RAB40C: variants seen among roughly 807,000 people sequenced by gnomAD.
RAB40C encodes ras-related protein Rab-40C.
In RAB40C, 8 loss-of-function variants were observed where a neutral mutation model predicts 28.1. The ratio of observed to expected loss-of-function variants is 0.28; its 90% confidence interval spans 0.17 to 0.51. The LOEUF (loss-of-function observed/expected upper bound fraction) is 0.51, where lower values mean the gene tolerates loss of function less well. RAB40C is among the 20% of genes least tolerant of loss of function. The pLI, the probability that RAB40C is intolerant of heterozygous loss-of-function variation, is 0.97. For missense variants in RAB40C, 288 were observed against 405.9 expected (o/e 0.71, Z 2.50); for synonymous variants, 201 against 171.7 (o/e 1.17, Z -1.34).
intron 1 of RAB40C, among the ~76,000 whole-genome samples, chr16:592,368 G>A (rs2036018925): frequency 6.6e-6 from 1 of 152,232 alleles, no homozygotes; most frequent in Admixed American, 6.5e-5. Flanking sequence ...CATGGCTTCA[G>A]CAGTGGGCAG....
At position 627,920 on chromosome 16, in the gene RAB40C, T is replaced by C. The variant is rs1487432023; in HGVS notation, c.*298T>C. On this transcript the variant is annotated 3_prime_UTR_variant, in exon 6 of 6. Transcript: ENST00000248139. The stretch of plus-strand genomic sequence containing the variant: ...CGGGGAGCCTGGTTGGCCTTTCTTA[T>C]TTATATAGAGAACACTTCACTTTTT... 7.3e-6 allele frequency: 3 copies of C among 409,776 alleles called. No individual in the cohort carries two copies. Among genetic ancestry groups the C allele is most frequent in the Non-Finnish European group, 1.3e-5 (3 of 231,170 alleles). The allele number at this position is 409,776 out of a possible 1,614,324, so 25.4% of individuals were successfully genotyped here. A position where few individuals can be genotyped will look rare whatever the true frequency, so the allele number is the denominator to read the frequency against.
At chr16:592,775 C>T (rs969702155) in intron 1 of RAB40C, among the ~76,000 whole-genome samples, 10 of 152,238 alleles carry the variant, frequency 6.6e-5, no homozygotes, top group Middle Eastern at 3.2e-3. Context: ...TTCTGAGGGC[C>T]GGCTCAGCCA....
Position 626,665 on chromosome 16 carries a change from C to T in RAB40C, c.565+544C>T, listed in dbSNP as rs751758057. ...CTTAAGAGGAAGCACGGGCCTGGCA[C>T]GGTGGCTCACTCCTGTAATCCCAGC... is the stretch of plus-strand genomic sequence containing the variant. On this transcript the variant is annotated intron_variant, in intron 5 of 5. Coordinates refer to ENST00000248139, the MANE Select transcript of RAB40C (RefSeq NM_021168.5). 3.5e-4 allele frequency among the ~76,000 whole-genome samples: 54 copies of T among 152,204 alleles called. 1 individual carries two copies. Among genetic ancestry groups the T allele is most frequent in the Admixed American group, 9.2e-4 (14 of 15,284 alleles).
In RAB40C at chr16:625,966, C is replaced by G. The variant is rs778692638; in HGVS notation, c.410C>G (p.Pro137Arg). Residue 137 changes from proline (P) to arginine (R), a missense_variant, in exon 5 of 6, where the codon CCG (proline) becomes CGG (arginine). By Grantham distance (103) the Pro-to-Arg change is moderately radical. Coordinates refer to ENST00000248139, the MANE Select transcript of RAB40C (RefSeq NM_021168.5). Reference sequence around the variant, plus strand: ...CACCTGGCCTTCAAGCGGCAGGTCCCGACGGAGCAGGCCCGCGCGTACGCA... The same window carrying G: ...CACCTGGCCTTCAAGCGGCAGGTCCGGACGGAGCAGGCCCGCGCGTACGCA... ...RLHLAFKRQVPTEQARAYAEK... is the reference protein window; with the variant it reads ...RLHLAFKRQVRTEQARAYAEK... 1.9e-6 allele frequency: 3 copies of G among 1,612,954 alleles called. No homozygotes were observed. The African/African-American group carries it at 4.0e-5, about 22-fold the overall frequency.
chr16:598,429 C>T (rs1165367896), intron 1 of RAB40C, among the ~76,000 whole-genome samples: 15 of 149,328 alleles, frequency 1.0e-4, no homozygotes, highest in East Asian at 2.0e-4. Context: ...GGCGTGGTGG[C>T]GCATACCTGT....
intron 3 of RAB40C, among the ~76,000 whole-genome samples, chr16:620,028 C>T (rs955941374): frequency 1.3e-5 from 2 of 152,170 alleles, no homozygotes; most frequent in Admixed American, 1.3e-4. Context: ...GCAACATGGC[C>T]GTGATTCGTG....
In RAB40C at chr16:624,946, G is replaced by A; in HGVS notation, c.265-486G>A. The A allele has an allele frequency of 2.3e-6, 3 of 1,289,010 alleles. No individual in the cohort carries two copies. In the South Asian group the frequency reaches 3.7e-5, roughly 16 times the overall value. 79.8% of individuals were successfully genotyped at this position (1,289,010 alleles called of 1,614,324 possible). ...CCCGTGGCAAAACCTGCTCTGCCTG[G>A]CTGGGGGAGCTTCACAGAAACTGTC... On this transcript the variant is annotated intron_variant, in intron 3 of 5. Transcript: ENST00000248139.
intron 2 of RAB40C, among the ~76,000 whole-genome samples, 200 bp downstream of exon 2, chr16:617,468 C>T (rs764605155): frequency 6.2e-4 from 95 of 152,200 alleles, no homozygotes; most frequent in Non-Finnish European, 4.3e-4. Context: ...CTAGAGATCG[C>T]GGCTCCCCTC....
intron 1 of RAB40C, among the ~76,000 whole-genome samples, chr16:616,361 A>G (rs1332002908): frequency 6.6e-6 from 1 of 150,824 alleles, no homozygotes; most frequent in Non-Finnish European, 1.5e-5. Flanking sequence ...TTATTTATTT[A>G]TTTATTGAGT....
rs138793109 is a variant in RAB40C, at chr16:622,919, C to T, written c.265-2513C>T. Among the ~76,000 whole-genome samples, 1,130 of 152,294 alleles carry T rather than the reference C, an allele frequency of 7.4e-3. 10 individuals carry two copies. The highest frequency in any genetic ancestry group is 0.011 in the Admixed American group (161 of 15,304). On this transcript the variant is annotated intron_variant, in intron 3 of 5. Coordinates refer to ENST00000248139, the MANE Select transcript of RAB40C (RefSeq NM_021168.5). ...ACGCAGCTGAGGGTGCTTAGGGTGC[C>T]GTTCGTTAGGCGGCTGCTGGTCACC...
At chr16:603,697 C>A (rs942664307) in intron 1 of RAB40C, among the ~76,000 whole-genome samples, 1 of 152,088 alleles carries the variant, frequency 6.6e-6, no homozygotes, top group Admixed American at 6.6e-5. Context: ...ATATATGTAC[C>A]TATGCAGCCA....
intron 1 of RAB40C, among the ~76,000 whole-genome samples, chr16:594,880 C>T (rs921987940): frequency 5.4e-5 from 8 of 149,078 alleles, no homozygotes; most frequent in African/African-American, 1.2e-4. Flanking sequence ...AGTGCAGTGG[C>T]GCGATCTCGG....
At position 610,508 on chromosome 16, in the gene RAB40C, G is replaced by A. The variant is rs1364209830; in HGVS notation, c.143-6700G>A. On this transcript the variant is annotated intron_variant, in intron 1 of 5. Coordinates refer to ENST00000248139, the MANE Select transcript of RAB40C (RefSeq NM_021168.5). This position sits in a 1 kb window ranked among gnomAD's most constrained non-coding sequence, Gnocchi z 4.6. ...TCACTGGCGCCCTTGCCTTTTCACTGAGCCGGGTATTAGCTTAGCTTATTT... is the reference window on the plus strand; with the variant it reads ...TCACTGGCGCCCTTGCCTTTTCACTAAGCCGGGTATTAGCTTAGCTTATTT... Among the ~76,000 whole-genome samples the A allele has an allele frequency of 3.3e-5, 5 of 152,168 alleles. No individual in the cohort carries two copies. The highest frequency in any genetic ancestry group is 4.4e-5 in the Non-Finnish European group (3 of 68,018).
In RAB40C at chr16:624,955, G is replaced by A. The variant is rs1027825560; in HGVS notation, c.265-477G>A. The A allele has an allele frequency of 7.0e-6, 9 of 1,289,026 alleles. No homozygotes were observed. In the African/African-American group the frequency reaches 1.2e-4, roughly 17 times the overall value. 79.8% of individuals were successfully genotyped at this position (1,289,026 alleles called of 1,614,324 possible). A position where few individuals can be genotyped will look rare whatever the true frequency, so the allele number is the denominator to read the frequency against. ...AAACCTGCTCTGCCTGGCTGGGGGAGCTTCACAGAAACTGTCCTGGAGGGA... is the reference window on the plus strand; with the variant it reads ...AAACCTGCTCTGCCTGGCTGGGGGAACTTCACAGAAACTGTCCTGGAGGGA... On this transcript the variant is annotated intron_variant, in intron 3 of 5. Transcript: ENST00000248139.
At chr16:591,764 T>C (rs1378052174) in intron 1 of RAB40C, among the ~76,000 whole-genome samples, 1 of 151,914 alleles carries the variant, frequency 6.6e-6, no homozygotes, top group Non-Finnish European at 1.5e-5. Flanking sequence ...GCTAATTTTG[T>C]TGTGTGTATT....
At position 619,259 on chromosome 16, in the gene RAB40C, AGT is replaced by A. The variant is rs1163842051; in HGVS notation, c.264+1007_264+1008del. ...GCGGGGGCACTGGGGCCATGTGTGC[AGT>A]GTGTGTGCAGGTGTGGTGTACTTGG... On this transcript the variant is annotated intron_variant, in intron 3 of 5. Transcript: ENST00000248139. Among the ~76,000 whole-genome samples the A allele has an allele frequency of 5.0e-5, 7 of 139,010 alleles. No homozygotes were observed. The East Asian group carries it at 1.5e-3, about 31-fold the overall frequency. 91.2% of individuals were successfully genotyped at this position (139,010 alleles called of 152,430 possible). A position where few individuals can be genotyped will look rare whatever the true frequency, so the allele number is the denominator to read the frequency against.
At chr16:591,373 G>T (rs1276620469) in intron 1 of RAB40C, among the ~76,000 whole-genome samples, 1 of 152,090 alleles carries the variant, frequency 6.6e-6, no homozygotes, top group East Asian at 1.9e-4. Context: ...AAGGTGTCAT[G>T]GGCCCGGGGA....
intron 3 of RAB40C, among the ~76,000 whole-genome samples, chr16:622,593 C>T (rs1416789494): frequency 2.6e-5 from 4 of 152,202 alleles, no homozygotes; most frequent in African/African-American, 4.8e-5. Flanking sequence ...CTGCAACCTC[C>T]GCCTCCCGGG....
chr16:629,207 TC>T lies in RAB40C; in HGVS notation c.*1587del, dbSNP rs2036906239. ...CACTACCCGCGCTGCTGTTAGACAC[TC>T]CGCCATTCCTGGTTCTCTCCGAACC... On this transcript the variant is annotated 3_prime_UTR_variant, in exon 6 of 6. Coordinates refer to ENST00000248139, the MANE Select transcript of RAB40C (RefSeq NM_021168.5). The T allele has an allele frequency of 2.3e-4, 59 of 252,170 alleles. 2 individuals are homozygous for T. The South Asian group carries it at 2.7e-3, about 11-fold the overall frequency. The allele number at this position is 252,170 out of a possible 1,614,324, so 15.6% of individuals were successfully genotyped here.
Sources: gnomAD v4.1 joint callset for allele counts (sites outside exome capture counted in the v4.1 genomes callset) on GRCh38, gnomAD v4.1.1 for gene constraint, Gnocchi (gnomAD v3.1) non-coding constraint, MANE v1.5 for transcripts, NCBI Gene and HGNC (gene_info 2026-07-23, HGNC 2026-07-21) for gene names.